TSC2: variants seen among roughly 807,000 people sequenced by gnomAD.
The protein encoded by TSC2 is tuberin.
Under a neutral mutation model 202.2 loss-of-function variants are expected in TSC2, and 29 were observed. The ratio of observed to expected loss-of-function variants is 0.14; its 90% CI spans 0.11 to 0.20. The LOEUF is 0.20. TSC2 is among the 10% of genes least tolerant of loss of function. The pLI, the probability that TSC2 is intolerant of heterozygous loss-of-function variation, is 1.00. For synonymous variants in TSC2, 1,349 were observed against 1,044.0 expected (o/e 1.29, Z -5.63); for missense variants, 2,429 against 2,420.0 (o/e 1.00, Z -0.08).
chr16:2,079,764 G>A lies in TSC2; in HGVS notation c.3397+95G>A, dbSNP rs367793721. The A allele has an allele frequency of 8.3e-6, 11 of 1,324,740 alleles. No individual in the cohort carries two copies. Among genetic ancestry groups the A allele is most frequent in the African/African-American group, 5.9e-5 (4 of 68,292 alleles). The allele number at this position is 1,324,740 out of a possible 1,614,324, so 82.1% of individuals were successfully genotyped here. On this transcript the variant is annotated intron_variant, in intron 29 of 41. Transcript: ENST00000219476. The surrounding 1 kb of genome is among the most constrained non-coding windows in gnomAD (Gnocchi z 4.6). Reference sequence around the variant, plus strand: ...CAGGAAGGCCCCGAGCCCAGGGGCCGGGGTGGCTGGCTTCAGGCCCGGCCC... The same window carrying A: ...CAGGAAGGCCCCGAGCCCAGGGGCCAGGGTGGCTGGCTTCAGGCCCGGCCC...
Position 2,088,710 on chromosome 16 carries a change from G to A in TSC2, c.*100G>A. 1.4e-6 allele frequency: 2 copies of A among 1,447,982 alleles called. No homozygotes were observed. Among genetic ancestry groups the A allele is most frequent in the South Asian group, 1.3e-5 (1 of 79,906 alleles). The allele number at this position is 1,447,982 out of a possible 1,614,324, so 89.7% of individuals were successfully genotyped here. A position where few individuals can be genotyped will look rare whatever the true frequency, so the allele number is the denominator to read the frequency against. ...GTGCACAGACATAGAGGCACAGATT[G>A]CAGTCAGACAGCTCTTTTATTGACT... On this transcript the variant is annotated 3_prime_UTR_variant, in exon 42 of 42. Coordinates refer to ENST00000219476, the MANE Select transcript of TSC2 (RefSeq NM_000548.5).
At position 2,084,654 on chromosome 16, in the gene TSC2, G is replaced by A. The variant is rs45517343; in HGVS notation, c.4432G>A (p.Asp1478Asn). The change falls in exon 34 of 42, where the codon GAC (aspartate) becomes AAC (asparagine). Residue 1478 changes from aspartate to asparagine, a missense_variant. Physicochemically the swap from Asp to Asn is conservative, Grantham distance 23 (BLOSUM62 1). Coordinates refer to ENST00000219476, the MANE Select transcript of TSC2 (RefSeq NM_000548.5). Reference sequence around the variant, plus strand: ...ACGCAGGGGCAAGAGAGTAGAGAGGGACGCCTTAAAGAGCAGAGCCACAGC... The same window carrying A: ...ACGCAGGGGCAAGAGAGTAGAGAGGAACGCCTTAAAGAGCAGAGCCACAGC... ...PSRRGKRVER[D>N]ALKSRATASN... 3 of 1,599,254 alleles carry A rather than the reference G, an allele frequency of 1.9e-6. No homozygotes were observed. The highest frequency in any genetic ancestry group is 1.7e-6 in the Non-Finnish European group (2 of 1,179,854).
At chr16:2,056,576 C>T in intron 7 of TSC2, 68 bp from the exon 8 acceptor site, 1 of 1,587,990 alleles carries the variant, frequency 6.3e-7, no homozygotes, top group Non-Finnish European at 8.5e-7. Flanking sequence ...GGGAAGGAAG[C>T]CTGGGTGTCC....
intron 33 of TSC2, 45 bp downstream of exon 33, chr16:2,083,861 C>A: frequency 6.3e-7 from 1 of 1,588,572 alleles, no homozygotes; most frequent in South Asian, 1.1e-5. Context: ...TCGGGGGGCT[C>A]CTTAGGGGAG....
intron 10 of TSC2, among the ~76,000 whole-genome samples, chr16:2,060,097 G>A (rs1242887312): frequency 6.6e-6 from 1 of 152,196 alleles, no homozygotes; most frequent in Non-Finnish European, 1.5e-5. Context: ...TGCTGGTCTT[G>A]TCCTGTCTCT....
intron 30 of TSC2, 128 bp from the exon 31 acceptor site, chr16:2,081,467 G>A (rs906649933): frequency 8.2e-6 from 10 of 1,224,772 alleles, no homozygotes; most frequent in African/African-American, 4.5e-5. Flanking sequence ...CTCCGACATC[G>A]TGGTCCTGAG....
In TSC2 at chr16:2,083,964, C is replaced by T. The variant is rs576122954; in HGVS notation, c.4005+148C>T. 313 of 1,411,604 alleles carry T rather than the reference C, an allele frequency of 2.2e-4. 1 individual carries two copies. The highest frequency in any genetic ancestry group is 1.9e-3 in the African/African-American group (136 of 69,866). The allele number at this position is 1,411,604 out of a possible 1,614,324, so 87.4% of individuals were successfully genotyped here. On this transcript the variant is annotated intron_variant, in intron 33 of 41. Coordinates refer to ENST00000219476, the MANE Select transcript of TSC2 (RefSeq NM_000548.5). ...ACATCCCTCGTGCACAGACGGTCTG[C>T]ACTTTGCAGCCATCCACCTGGGCCG... is the stretch of plus-strand genomic sequence containing the variant.
rs368966717 is a variant in TSC2, at chr16:2,088,014, C to T, written c.5069-34C>T. ...GGGCCCTGCAGTGTGGCGCCAAGAGCCCTGGGCCTGGCGTGACCACCAAGT... is the reference window on the plus strand; with the variant it reads ...GGGCCCTGCAGTGTGGCGCCAAGAGTCCTGGGCCTGGCGTGACCACCAAGT... On this transcript the variant is annotated intron_variant, in intron 39 of 41. Transcript: ENST00000219476. The T allele has an allele frequency of 6.2e-6, 10 of 1,611,194 alleles. No homozygotes were observed. In the African/African-American group the frequency reaches 6.7e-5, roughly 11 times the overall value.
At chr16:2,069,231 C>T (rs1404376444) in intron 16 of TSC2, among the ~76,000 whole-genome samples, 1 of 152,198 alleles carries the variant, frequency 6.6e-6, no homozygotes. Context: ...ACTGTGTGAA[C>T]CCCCACCTCC....
intron 15 of TSC2, chr16:2,064,644 C>T (rs2087072513): frequency 1.5e-5 from 11 of 711,502 alleles, no homozygotes; most frequent in Non-Finnish European, 2.1e-5. Flanking sequence ...GGTGTCCTGT[C>T]ACACTCTGGG....
intron 5 of TSC2, chr16:2,054,735 G>T: frequency 2.0e-6 from 1 of 499,336 alleles, no homozygotes. Flanking sequence ...GTCACTGGGA[G>T]GTGGTGCTGC....
In TSC2 at chr16:2,089,402, T is replaced by C; in HGVS notation, c.*792T>C. ...TCCCTGAAGCCAGCAGCCTTAGCAG[T>C]GGGGGACATCTGCCCAGGGGGTGGG... On this transcript the variant is annotated 3_prime_UTR_variant, in exon 42 of 42. Transcript: ENST00000219476. The C allele has an allele frequency of 4.5e-6, 2 of 440,132 alleles. No individual in the cohort carries two copies. Among genetic ancestry groups the C allele is most frequent in the Non-Finnish European group, 8.3e-6 (2 of 241,002 alleles). 27.3% of individuals were successfully genotyped at this position (440,132 alleles called of 1,614,324 possible).
chr16:2,077,759 C>G, intron 26 of TSC2, 33 bp downstream of exon 26: 1 of 1,609,234 alleles, frequency 6.2e-7, no homozygotes, highest in Non-Finnish European at 8.5e-7. Context: ...GGCACGGACC[C>G]TGGAGCTTGG....
rs1005115266 is a variant in TSC2, at chr16:2,054,364, C to T, written c.405C>T (p.Asp135=). The T allele has an allele frequency of 1.9e-6, 3 of 1,614,196 alleles. No individual in the cohort carries two copies. Among genetic ancestry groups the T allele is most frequent in the Non-Finnish European group, 2.5e-6 (3 of 1,180,024 alleles). Residue 135 remains aspartate, a synonymous_variant, in exon 5 of 42, where the codon GAC becomes GAT. Coordinates refer to ENST00000219476, the MANE Select transcript of TSC2 (RefSeq NM_000548.5). The stretch of plus-strand genomic sequence containing the variant: ...TCAAGGATTACCCTTCCAACGAAGA[C>T]CTTCACGAAAGGCTGGAGGTTTTCA... ...KVIKDYPSNE[D]LHERLEVFKA...
intron 22 of TSC2, among the ~76,000 whole-genome samples, chr16:2,075,502 G>A (rs1396501075): frequency 6.9e-6 from 1 of 144,078 alleles, no homozygotes; most frequent in Non-Finnish European, 1.5e-5. Flanking sequence ...ACTCCAGCCT[G>A]GGCGACAGAG....
Position 2,074,758 on chromosome 16 carries a change from C to A in TSC2, c.2545+369C>A, listed in dbSNP as rs1596359184. 5 of 374,736 alleles carry A rather than the reference C, an allele frequency of 1.3e-5. No homozygotes were observed. The East Asian group carries it at 3.0e-4, about 22-fold the overall frequency. The allele number at this position is 374,736 out of a possible 1,614,324, so 23.2% of individuals were successfully genotyped here. On this transcript the variant is annotated intron_variant, in intron 22 of 41. Coordinates refer to ENST00000219476, the MANE Select transcript of TSC2 (RefSeq NM_000548.5). Reference sequence around the variant, plus strand: ...CAGGAGCTCAGGTGCCTGTCCCTTCCCCTCACCGCCTGTGCGCATCTGGGC... The same window carrying A: ...CAGGAGCTCAGGTGCCTGTCCCTTCACCTCACCGCCTGTGCGCATCTGGGC...
Position 2,055,682 on chromosome 16 carries a change from G to A in TSC2, c.599+163G>A. ...CCGAGGCAGGCGGATCACGAGGTCA[G>A]GAGTTCGAGACCAGCCTGGCCAACA... On this transcript the variant is annotated intron_variant, in intron 6 of 41. Coordinates refer to ENST00000219476, the MANE Select transcript of TSC2 (RefSeq NM_000548.5). The A allele has an allele frequency of 7.2e-6, 5 of 695,676 alleles. No individual in the cohort carries two copies. In the South Asian group the frequency reaches 7.4e-5, roughly 10 times the overall value. 43.1% of individuals were successfully genotyped at this position (695,676 alleles called of 1,614,324 possible). A position where few individuals can be genotyped will look rare whatever the true frequency, so the allele number is the denominator to read the frequency against.
Position 2,079,678 on chromosome 16 carries a change from T to A in TSC2, c.3397+9T>A. ...GGTCCGTTCCATGTCGGGTGAGCCTTGGCCCCAGCCACCTCCACACAGGCA... is the reference window on the plus strand; with the variant it reads ...GGTCCGTTCCATGTCGGGTGAGCCTAGGCCCCAGCCACCTCCACACAGGCA... On this transcript the variant is annotated intron_variant, in intron 29 of 41. Coordinates refer to ENST00000219476, the MANE Select transcript of TSC2 (RefSeq NM_000548.5). The surrounding 1 kb of genome is among the most constrained non-coding windows in gnomAD (Gnocchi z 4.6). The A allele has an allele frequency of 6.3e-7, 1 of 1,575,040 alleles. No individual in the cohort carries two copies. The highest frequency in any genetic ancestry group is 8.6e-7 in the Non-Finnish European group (1 of 1,161,520).
chr16:2,079,120 C>T lies in TSC2; in HGVS notation c.3055C>T (p.His1019Tyr), dbSNP rs2089797662. The change falls in exon 27 of 42, where the codon CAC (histidine) becomes TAC (tyrosine). Residue 1019 changes from histidine to tyrosine, a missense_variant. Coordinates refer to ENST00000219476, the MANE Select transcript of TSC2 (RefSeq NM_000548.5). The surrounding 1 kb of genome is among the most constrained non-coding windows in gnomAD (Gnocchi z 4.6). ...GGCTGACGATAGCCTGAAAAACCTCCACCTGGAGCTCACGGAAACCTGTCT... is the reference window on the plus strand; with the variant it reads ...GGCTGACGATAGCCTGAAAAACCTCTACCTGGAGCTCACGGAAACCTGTCT... Reference protein sequence around the residue: ...AQADDSLKNLHLELTETCLDM... With the variant: ...AQADDSLKNLYLELTETCLDM... 1.2e-6 allele frequency: 2 copies of T among 1,613,074 alleles called. No homozygotes were observed. The highest frequency in any genetic ancestry group is 1.7e-6 in the Non-Finnish European group (2 of 1,180,036).
Sources: gnomAD v4.1 joint callset for allele counts (sites outside exome capture counted in the v4.1 genomes callset) on GRCh38, gnomAD v4.1.1 for gene constraint, Gnocchi (gnomAD v3.1) non-coding constraint, MANE v1.5 for transcripts, NCBI Gene and HGNC (gene_info 2026-07-23, HGNC 2026-07-21) for gene names.